The following CHST9 variants were observed in gnomAD, a reference collection of about 807,000 sequenced individuals.
CHST9 encodes the protein carbohydrate sulfotransferase 9, also known as GalNAc-4-sulfotransferase 2.
Under a neutral mutation model 44.4 loss-of-function variants are expected in CHST9, and 41 were observed. The ratio of observed to expected loss-of-function variants is 0.92; its 90% CI spans 0.72 to 1.20. The LOEUF (loss-of-function observed/expected upper bound fraction) is 1.20, where lower values mean the gene tolerates loss of function less well. CHST9 is among the 50% of genes most tolerant of loss of function. CHST9 has a pLI of 0.00. For synonymous variants in CHST9, 171 were observed against 178.4 expected, an observed-to-expected ratio of 0.96 and a Z score of 0.33; for missense variants, 504 against 516.5, an observed-to-expected ratio of 0.98 and a Z score of 0.23.
chr18:27,144,025 C>T (rs148062511), intron 1 of CHST9, among the ~76,000 whole-genome samples: 240 of 152,274 alleles, frequency 1.6e-3, no homozygotes, highest in African/African-American at 5.5e-3. Flanking sequence ...TGAACTGCCA[C>T]ACAAGTATGC....
intron 3 of CHST9, among the ~76,000 whole-genome samples, chr18:27,034,250 G>A (rs1195418539): frequency 6.6e-6 from 1 of 152,134 alleles, no homozygotes; most frequent in East Asian, 1.9e-4. Context: ...CTTTATCTCT[G>A]TTTTCGTATC....
rs925776175 is a variant in CHST9, at chr18:27,084,759, A to G, written c.122-36256T>C. 4.0e-5 allele frequency among the ~76,000 whole-genome samples: 6 copies of G among 151,130 alleles called. No individual in the cohort carries two copies. In the East Asian group the frequency reaches 1.2e-3, roughly 29 times the overall value. Reference sequence around the variant, plus strand: ...TGTGATATTAGGTTGTTAATTTGAGACCTTTCTAACTTTTTGATGTGGGCT... The same window carrying G: ...TGTGATATTAGGTTGTTAATTTGAGGCCTTTCTAACTTTTTGATGTGGGCT... On this transcript the variant is annotated intron_variant, in intron 2 of 5. Transcript: ENST00000618847.
chr18:27,072,780 T>G (rs12457442), intron 2 of CHST9, among the ~76,000 whole-genome samples: 52,424 of 152,120 alleles, frequency 0.34, 10,256 homozygotes, highest in Non-Finnish European at 0.46. Flanking sequence ...ACTGCTAGAA[T>G]TAATGGAAGC....
chr18:27,156,016 T>G (rs1274534388), intron 1 of CHST9, among the ~76,000 whole-genome samples: 2 of 151,990 alleles, frequency 1.3e-5, no homozygotes, highest in Non-Finnish European at 2.9e-5. Context: ...GGAAACATAT[T>G]ATAAAAAACG....
intron 4 of CHST9, among the ~76,000 whole-genome samples, chr18:26,971,703 C>T (rs925552239): frequency 6.6e-6 from 1 of 152,194 alleles, no homozygotes; most frequent in Admixed American, 6.5e-5. Context: ...CAGCACGCAT[C>T]CCTTCTGCTC....
intron 2 of CHST9, among the ~76,000 whole-genome samples, chr18:27,140,015 G>A (rs557736540): frequency 1.5e-4 from 23 of 152,110 alleles, no homozygotes; most frequent in Non-Finnish European, 3.2e-4. Context: ...CCGACAATTA[G>A]GAAAACCTAG....
intron 2 of CHST9, among the ~76,000 whole-genome samples, chr18:27,091,012 G>A (rs921347147): frequency 9.2e-5 from 14 of 152,040 alleles, no homozygotes; most frequent in Admixed American, 1.3e-4. Flanking sequence ...TGGGGATGGC[G>A]TTGAATCTAT....
At chr18:26,956,344 T>C (rs193225145) in intron 4 of CHST9, among the ~76,000 whole-genome samples, 151 of 142,128 alleles carry the variant, frequency 1.1e-3, no homozygotes, top group African/African-American at 2.5e-3. Flanking sequence ...TATATATATA[T>C]ACACACACAA....
rs547530124 is a variant in CHST9, at chr18:27,158,427, C to T, written c.-96-15522G>A. ...GCTTCATCCATGTCCCTACAAAGGA[C>T]ATGAACTCATCATTTTTTATGGCTG... On this transcript the variant is annotated intron_variant, in intron 1 of 5. Transcript: ENST00000618847. 5.1e-4 allele frequency among the ~76,000 whole-genome samples: 77 copies of T among 151,736 alleles called. 1 individual carries two copies. In the East Asian group the frequency reaches 0.015, roughly 30 times the overall value.
chr18:27,092,972 A>C lies in CHST9; in HGVS notation c.122-44469T>G, dbSNP rs532387542. ...GATGTCTATTAGGTCCGCTTGGTGC[A>C]GTCAGGTCCCTCAGCTGCAGGTCTG... On this transcript the variant is annotated intron_variant, in intron 2 of 5. Transcript: ENST00000618847. 3.3e-5 allele frequency among the ~76,000 whole-genome samples: 5 copies of C among 152,198 alleles called. No homozygotes were observed. In the South Asian group the frequency reaches 1.0e-3, roughly 32 times the overall value.
chr18:26,914,922 C>T lies in CHST9; in HGVS notation c.*1337G>A, dbSNP rs1351421186. 9 of 397,772 alleles carry T rather than the reference C, an allele frequency of 2.3e-5. No homozygotes were observed. Among genetic ancestry groups the T allele is most frequent in the Non-Finnish European group, 3.5e-5 (8 of 225,650 alleles). The allele number at this position is 397,772 out of a possible 1,614,324, so 24.6% of individuals were successfully genotyped here. The stretch of plus-strand genomic sequence containing the variant: ...GATTTTCTTAACTCGGGGTAAAAGT[C>T]GACCAATTAAAGTAGGTTTCCCATC... On this transcript the variant is annotated 3_prime_UTR_variant, in exon 6 of 6. Transcript: ENST00000618847.
rs545661947 is a variant in CHST9 at position 26,958,490 on chromosome 18, G to A, written c.203-14124C>T. On this transcript the variant is annotated intron_variant, in intron 4 of 5. Transcript: ENST00000618847. ...AAAAAACAAAAAGAAAAATTGACAAGTGGGACCTAGTTAAACTAAAGAGCT... is the reference window on the plus strand; with the variant it reads ...AAAAAACAAAAAGAAAAATTGACAAATGGGACCTAGTTAAACTAAAGAGCT... Among the ~76,000 whole-genome samples, 8 of 150,656 alleles carry A rather than the reference G, an allele frequency of 5.3e-5. No individual in the cohort carries two copies. The East Asian group carries it at 1.6e-3, about 29-fold the overall frequency.
At chr18:27,145,527 G>A (rs376479666) in intron 1 of CHST9, among the ~76,000 whole-genome samples, 1 of 152,172 alleles carries the variant, frequency 6.6e-6, no homozygotes, top group African/African-American at 2.4e-5. Flanking sequence ...ACCTGGAAGG[G>A]GCCAGGGTAA....
chr18:27,121,555 T>C (rs775068989), intron 2 of CHST9, among the ~76,000 whole-genome samples: 67 of 152,202 alleles, frequency 4.4e-4, no homozygotes, highest in African/African-American at 4.8e-5. Flanking sequence ...AATCCAATTT[T>C]GGTAAATAAT....
At chr18:27,070,283 T>TA in intron 2 of CHST9, among the ~76,000 whole-genome samples, 1 of 152,230 alleles carries the variant, frequency 6.6e-6, no homozygotes, top group Non-Finnish European at 1.5e-5. Context: ...ATGCTCTTTA[T>TA]AAAATTCTTA....
chr18:27,062,939 C>T (rs934170855), intron 2 of CHST9, among the ~76,000 whole-genome samples: 17 of 152,044 alleles, frequency 1.1e-4, no homozygotes, highest in African/African-American at 3.1e-4. Context: ...TTTTTACTGC[C>T]GGGAGCCAAC....
rs116882971 is a variant in CHST9, at chr18:27,095,919, C to T, written c.121+46770G>A. ...GAAGAAATTCTGGACTTAAACTGAA[C>T]ATGTGACCAATTGGACCTAATAGAC... On this transcript the variant is annotated intron_variant, in intron 2 of 5. Transcript: ENST00000618847. Among the ~76,000 whole-genome samples the T allele has an allele frequency of 9.0e-3, 1,363 of 152,092 alleles. 16 individuals carry two copies. The highest frequency in any genetic ancestry group is 0.032 in the South Asian group (154 of 4,816).
intron 2 of CHST9, among the ~76,000 whole-genome samples, chr18:27,101,710 T>A (rs1270762347): frequency 6.6e-6 from 1 of 152,180 alleles, no homozygotes; most frequent in African/African-American, 2.4e-5. Flanking sequence ...TTACCAAGGG[T>A]TCTCACTATC....
At chr18:27,056,959 C>A (rs1423833616) in intron 2 of CHST9, among the ~76,000 whole-genome samples, 1 of 152,178 alleles carries the variant, frequency 6.6e-6, no homozygotes, top group Non-Finnish European at 1.5e-5. Flanking sequence ...TGTCAAAATT[C>A]TCCCCAGTTA....
Sources: gnomAD v4.1 joint callset for allele counts (sites outside exome capture counted in the v4.1 genomes callset) on GRCh38, gnomAD v4.1.1 for gene constraint, MANE v1.5 for transcripts, NCBI Gene and HGNC (gene_info 2026-07-23, HGNC 2026-07-21) for gene names.